Variants in GRM5 observed in about 807,000 individuals in gnomAD.
GRM5 encodes metabotropic glutamate receptor 5.
In GRM5, 19 loss-of-function variants were observed where a neutral mutation model predicts 83.1. That is an observed-to-expected ratio of 0.23 (90% CI 0.16 to 0.34). The LOEUF is 0.34. Ranked by LOEUF, GRM5 falls within the 10% of genes least tolerant of loss-of-function variation. The pLI is 1.00. For synonymous variants in GRM5, 675 were observed against 633.6 expected (o/e 1.07, Z -0.98); for missense variants, 1,160 against 1,588.3 (o/e 0.73, Z 4.58).
At chr11:88,623,983 T>C (rs1938715743) in intron 4 of GRM5, among the ~76,000 whole-genome samples, 1 of 152,202 alleles carries the variant, frequency 6.6e-6, no homozygotes, top group Admixed American at 6.5e-5. Context: ...CAAAATGTTG[T>C]TTGGAAAAGC....
chr11:88,967,231 G>GTATATATATATATATACACATATATA (rs980206739), intron 2 of GRM5, among the ~76,000 whole-genome samples: 1 of 133,610 alleles, frequency 7.5e-6, no homozygotes, highest in Non-Finnish European at 1.6e-5. Context: ...GTGTGTGTAT[G>GTATATATATATATATACACATATATA]TATATATATA....
At chr11:88,677,871 G>T (rs1940375021) in intron 3 of GRM5, among the ~76,000 whole-genome samples, 1 of 152,044 alleles carries the variant, frequency 6.6e-6, no homozygotes, top group Non-Finnish European at 1.5e-5. Flanking sequence ...GCTTGATAAT[G>T]CATATTACCA....
intron 4 of GRM5, among the ~76,000 whole-genome samples, chr11:88,651,909 C>T (rs2135304422): frequency 6.6e-6 from 1 of 152,112 alleles, no homozygotes; most frequent in Admixed American, 6.6e-5. Context: ...AAAGAACAAA[C>T]TGATACCAGA....
chr11:88,686,226 A>G (rs12419660), intron 3 of GRM5, among the ~76,000 whole-genome samples: 2,841 of 152,224 alleles, frequency 0.019, 67 homozygotes, highest in East Asian at 0.096. Context: ...GATCATTTTG[A>G]ACCTTTAAAA....
In GRM5 at chr11:88,687,525, CATACATATATAT is replaced by C. The variant is rs1393365784; in HGVS notation, c.912-34134_912-34123del. Reference sequence around the variant, plus strand: ...ATACACACACACACACACACACACACATACATATATATACACACACACACACACATATATATT... The same window carrying C: ...ATACACACACACACACACACACACACACACACACACACACACATATATATT... On this transcript the variant is annotated intron_variant, in intron 3 of 9. Transcript: ENST00000305447. Among the ~76,000 whole-genome samples, 180 of 25,944 alleles carry C rather than the reference CATACATATATAT, an allele frequency of 6.9e-3. 12 individuals carry two copies. Among genetic ancestry groups the C allele is most frequent in the Middle Eastern group, 0.024 (1 of 42 alleles). The allele number at this position is 25,944 out of a possible 152,430, so 17.0% of individuals were successfully genotyped here.
At chr11:88,939,204 A>G (rs1725563199) in intron 2 of GRM5, among the ~76,000 whole-genome samples, 2 of 151,534 alleles carry the variant, frequency 1.3e-5, no homozygotes, top group Non-Finnish European at 3.0e-5. Flanking sequence ...TTATTCTCTA[A>G]ATTTCACCAC....
chr11:88,802,176 G>A (rs1422948258), intron 3 of GRM5, among the ~76,000 whole-genome samples: 1 of 152,070 alleles, frequency 6.6e-6, no homozygotes, highest in Non-Finnish European at 1.5e-5. Context: ...GGGTCATAAA[G>A]ACAAAGAACT....
intron 3 of GRM5, among the ~76,000 whole-genome samples, chr11:88,748,173 C>T (rs752748472): frequency 7.9e-5 from 12 of 152,068 alleles, no homozygotes; most frequent in South Asian, 2.1e-4. Flanking sequence ...TGATCCCCAC[C>T]GGGGCTTTGG....
At chr11:88,931,439 G>GT (rs1424541794) in intron 2 of GRM5, among the ~76,000 whole-genome samples, 5 of 16,464 alleles carry the variant, frequency 3.0e-4, no homozygotes, top group African/African-American at 4.6e-4. Context: ...AAGAACCAAA[G>GT]TAAAAAAAAA....
At chr11:88,862,600 T>C (rs921000090) in intron 2 of GRM5, among the ~76,000 whole-genome samples, 3 of 152,148 alleles carry the variant, frequency 2.0e-5, no homozygotes, top group Admixed American at 1.3e-4. Context: ...TGGTGACTAG[T>C]GTGACAAGGA....
rs1223566707 is a variant in GRM5, at chr11:88,760,246, GAAAC to G, written c.911+89656_911+89659del. Among the ~76,000 whole-genome samples, 46 of 152,176 alleles carry G rather than the reference GAAAC, an allele frequency of 3.0e-4. 1 individual carries two copies. The highest frequency in any genetic ancestry group is 1.0e-3 in the African/African-American group (42 of 41,540). The stretch of plus-strand genomic sequence containing the variant: ...TCAGAGCTGAACTGAAGGAAATTAA[GAAAC>G]AAACAAACATTCAAAAGATCAATGA... On this transcript the variant is annotated intron_variant, in intron 3 of 9. Coordinates refer to ENST00000305447, the MANE Select transcript of GRM5 (RefSeq NM_001143831.3).
chr11:88,558,415 G>A (rs1014821228), intron 8 of GRM5, among the ~76,000 whole-genome samples: 18 of 152,198 alleles, frequency 1.2e-4, no homozygotes, highest in African/African-American at 3.9e-4. Flanking sequence ...ATTATCCAAA[G>A]TAAGCACCTG....
intron 3 of GRM5, among the ~76,000 whole-genome samples, chr11:88,671,751 G>T (rs1940199288): frequency 6.6e-6 from 1 of 151,994 alleles, no homozygotes; most frequent in African/African-American, 2.4e-5. Flanking sequence ...TAAAACATTG[G>T]TTCCTTTTGA....
Position 88,775,289 on chromosome 11 carries a change from C to T in GRM5, c.911+74617G>A, listed in dbSNP as rs570623578. ...TTTCTGTGGGATCAGTGGTGATATC[C>T]CCTTTATCATTTTTTATTGCATCTA... On this transcript the variant is annotated intron_variant, in intron 3 of 9. Coordinates refer to ENST00000305447, the MANE Select transcript of GRM5 (RefSeq NM_001143831.3). Among the ~76,000 whole-genome samples the T allele has an allele frequency of 5.0e-4, 36 of 72,142 alleles. 2 individuals carry two copies. In the East Asian group the frequency reaches 6.4e-3, roughly 13 times the overall value. The allele number at this position is 72,142 out of a possible 152,430, so 47.3% of individuals were successfully genotyped here.
intron 2 of GRM5, among the ~76,000 whole-genome samples, chr11:88,893,804 G>T (rs1945186217): frequency 6.6e-6 from 1 of 151,986 alleles, no homozygotes; most frequent in Non-Finnish European, 1.5e-5. Flanking sequence ...TCAGCAGGAA[G>T]TAGCCAGAAA....
At position 88,507,132 on chromosome 11, in the gene GRM5, C is replaced by T. The variant is rs1941201852; in HGVS notation, c.*1460G>A. 6.6e-6 allele frequency: 1 copy of T among 152,112 alleles called. No individual in the cohort carries two copies. Among genetic ancestry groups the T allele is most frequent in the Admixed American group, 6.5e-5 (1 of 15,286 alleles). 9.4% of individuals were successfully genotyped at this position (152,112 alleles called of 1,614,324 possible). A position where few individuals can be genotyped will look rare whatever the true frequency, so the allele number is the denominator to read the frequency against. On this transcript the variant is annotated 3_prime_UTR_variant, in exon 10 of 10. Transcript: ENST00000305447. Reference sequence around the variant, plus strand: ...ATGAATTCTACCTATTTGAGACTATCAAAGCACACTTGTTTCTGTTATACT... The same window carrying T: ...ATGAATTCTACCTATTTGAGACTATTAAAGCACACTTGTTTCTGTTATACT...
chr11:89,027,778 T>C (rs1263751883), intron 2 of GRM5, among the ~76,000 whole-genome samples: 2 of 152,228 alleles, frequency 1.3e-5, no homozygotes, highest in African/African-American at 2.4e-5. Context: ...TACTCAAAAC[T>C]ATGGCAACTG....
chr11:88,606,460 G>A (rs1938145357), intron 4 of GRM5, among the ~76,000 whole-genome samples: 1 of 152,214 alleles, frequency 6.6e-6, no homozygotes, highest in South Asian at 2.1e-4. Flanking sequence ...AGGTTGCAGT[G>A]AGCCAAGATG....
At chr11:88,907,461 A>G (rs1275769788) in intron 2 of GRM5, among the ~76,000 whole-genome samples, 1 of 152,200 alleles carries the variant, frequency 6.6e-6, no homozygotes, top group African/African-American at 2.4e-5. Context: ...CTGAAAATAG[A>G]ACAAAATGCT....
Sources: gnomAD v4.1 joint callset for allele counts (sites outside exome capture counted in the v4.1 genomes callset) on GRCh38, gnomAD v4.1.1 for gene constraint, MANE v1.5 for transcripts, NCBI Gene and HGNC (gene_info 2026-07-23, HGNC 2026-07-21) for gene names.